Variants in LRBA observed in about 807,000 individuals in gnomAD.
LRBA encodes lipopolysaccharide-responsive and beige-like anchor protein.
Under a neutral mutation model 330.0 loss-of-function variants are expected in LRBA, and 176 were observed. That is an observed-to-expected ratio of 0.53 (90% CI 0.47 to 0.60). The LOEUF (loss-of-function observed/expected upper bound fraction) is 0.60. Among genes scored for constraint, LRBA ranks in the 20% least tolerant of loss-of-function variants. LRBA has a pLI of 0.00. For synonymous variants in LRBA, 1,230 were observed against 1,193.0 expected (o/e 1.03, Z -0.64); for missense variants, 3,259 against 3,444.8 (o/e 0.95, Z 1.35).
intron 2 of LRBA, among the ~76,000 whole-genome samples, chr4:151,011,619 G>C (rs1410735233): frequency 7.4e-6 from 1 of 135,982 alleles, no homozygotes; most frequent in African/African-American, 2.7e-5. Flanking sequence ...AAAAAAAAAA[G>C]ACTAACTATC....
intron 37 of LRBA, among the ~76,000 whole-genome samples, chr4:150,632,140 A>G (rs1777441740): frequency 6.6e-6 from 1 of 151,856 alleles, no homozygotes; most frequent in Non-Finnish European, 1.5e-5. Flanking sequence ...CTGAGGCAGG[A>G]GAATTGCTTG....
intron 40 of LRBA, among the ~76,000 whole-genome samples, chr4:150,571,262 A>C (rs566222598): frequency 2.0e-5 from 3 of 152,220 alleles, no homozygotes; most frequent in African/African-American, 7.2e-5. Context: ...CCTATAATAT[A>C]GCTAATGATA....
At chr4:150,677,573 A>G (rs1268667302) in intron 37 of LRBA, among the ~76,000 whole-genome samples, 2 of 152,194 alleles carry the variant, frequency 1.3e-5, no homozygotes, top group African/African-American at 4.8e-5. Flanking sequence ...CACATATTCA[A>G]TTTTGAATAT....
intron 44 of LRBA, among the ~76,000 whole-genome samples, chr4:150,461,438 AT>A (rs1754764026): frequency 6.6e-6 from 1 of 151,796 alleles, no homozygotes; most frequent in Non-Finnish European, 1.5e-5. Flanking sequence ...TATCCCATTC[AT>A]TTTTTAAAAA....
At chr4:150,930,694 C>T (rs1734398120) in intron 2 of LRBA, among the ~76,000 whole-genome samples, 1 of 152,048 alleles carries the variant, frequency 6.6e-6, no homozygotes, top group South Asian at 2.1e-4. Context: ...TGGAAATGAA[C>T]AATGTGAGGA....
intron 17 of LRBA, among the ~76,000 whole-genome samples, chr4:150,881,078 T>G (rs1728325759): frequency 6.6e-6 from 1 of 152,182 alleles, no homozygotes; most frequent in Non-Finnish European, 1.5e-5. Context: ...TTGGTGGGAA[T>G]GTAAGTTAGT....
intron 37 of LRBA, among the ~76,000 whole-genome samples, chr4:150,659,709 A>G (rs1225570057): frequency 1.8e-4 from 1 of 5,456 alleles, no homozygotes; most frequent in South Asian, 5.6e-3. Flanking sequence ...CAGCCGTGCC[A>G]TCCGGGAGGG....
Position 150,310,347 on chromosome 4 carries a change from GT to G in LRBA, c.7730del (p.Asp2577AlafsTer3). The G allele has an allele frequency of 6.2e-7, 1 of 1,613,336 alleles. No homozygotes were observed. The highest frequency in any genetic ancestry group is 8.5e-7 in the Non-Finnish European group (1 of 1,179,498). ...GCACTTGAATACTTTGGTCTAAAAG[GT>G]CAGTGATTTGCCTCCTGTGCATTCC... ...NTGMHRRQIT[D>X]LLDQSIQVHS... On this transcript the variant is annotated frameshift_variant, in exon 52 of 57. Transcript: ENST00000651943. LOFTEE classifies it high-confidence loss of function.
At chr4:150,306,240 T>C (rs1730339459) in intron 52 of LRBA, among the ~76,000 whole-genome samples, 2 of 152,152 alleles carry the variant, frequency 1.3e-5, no homozygotes. Context: ...TTACAATCCA[T>C]GTTTCTCCTC....
intron 2 of LRBA, among the ~76,000 whole-genome samples, chr4:150,970,006 A>C (rs1739343276): frequency 6.6e-6 from 1 of 152,134 alleles, no homozygotes; most frequent in South Asian, 2.1e-4. Context: ...ATGGGGCAAA[A>C]CTTCATTGTG....
chr4:150,748,674 A>G (rs1364120162), intron 35 of LRBA, among the ~76,000 whole-genome samples: 2 of 151,866 alleles, frequency 1.3e-5, no homozygotes, highest in Admixed American at 1.3e-4. Flanking sequence ...CTCACAGAAA[A>G]AAAAAAAAAA....
chr4:150,911,071 T>C (rs528127784), intron 9 of LRBA, among the ~76,000 whole-genome samples: 7 of 152,332 alleles, frequency 4.6e-5, no homozygotes, highest in African/African-American at 1.4e-4. Flanking sequence ...ATTCATTTAC[T>C]AGTCCTAACA....
At chr4:150,481,423 A>G (rs1231774795) in intron 42 of LRBA, among the ~76,000 whole-genome samples, 1 of 152,142 alleles carries the variant, frequency 6.6e-6, no homozygotes, top group African/African-American at 2.4e-5. Context: ...ATAATTTAAT[A>G]CATTATATTA....
chr4:150,918,090 G>C (rs1026690949), intron 5 of LRBA, among the ~76,000 whole-genome samples: 6 of 152,090 alleles, frequency 3.9e-5, no homozygotes, highest in African/African-American at 1.4e-4. Flanking sequence ...AAAAGGACAA[G>C]TGACAAAAGA....
intron 35 of LRBA, among the ~76,000 whole-genome samples, chr4:150,755,615 T>A (rs1212386164): frequency 1.3e-5 from 2 of 152,200 alleles, no homozygotes; most frequent in Non-Finnish European, 2.9e-5. Context: ...GGTTTCATAG[T>A]CTACTACTTC....
At chr4:150,562,807 A>AT (rs1768544239) in intron 40 of LRBA, among the ~76,000 whole-genome samples, 3 of 117,964 alleles carry the variant, frequency 2.5e-5, no homozygotes, top group Non-Finnish European at 5.9e-5. Flanking sequence ...GCTTTGAAAT[A>AT]ATTTTTTTTT....
intron 2 of LRBA, among the ~76,000 whole-genome samples, chr4:150,984,894 A>G (rs1741258382): frequency 6.6e-6 from 1 of 152,236 alleles, no homozygotes; most frequent in Admixed American, 6.5e-5. Flanking sequence ...TGTTCTTCCT[A>G]GCAGCAATTC....
intron 40 of LRBA, among the ~76,000 whole-genome samples, chr4:150,496,029 A>C (rs140015796): frequency 1.0e-3 from 156 of 152,298 alleles, no homozygotes; most frequent in African/African-American, 3.5e-3. Context: ...AGAGGAGAGA[A>C]AGGATTTAGT....
At chr4:150,845,235 A>G (rs938316195) in intron 26 of LRBA, among the ~76,000 whole-genome samples, 1 of 152,160 alleles carries the variant, frequency 6.6e-6, no homozygotes, top group Non-Finnish European at 1.5e-5. Flanking sequence ...TAAATTAGTT[A>G]AACTGGAAAC....
Sources: allele counts gnomAD v4.1 joint callset (sites outside exome capture counted in the v4.1 genomes callset), GRCh38; gene constraint gnomAD v4.1.1; transcripts MANE v1.5; gene names NCBI Gene and HGNC (gene_info 2026-07-23, HGNC 2026-07-21).